CLTC: variants seen among roughly 807,000 people sequenced by gnomAD.
CLTC encodes the protein clathrin heavy chain.
A neutral mutation model predicts 195.8 loss-of-function variants in CLTC; 16 were observed. The ratio of observed to expected loss-of-function variants is 0.08; its 90% CI spans 0.06 to 0.12. The LOEUF (loss-of-function observed/expected upper bound fraction) is 0.12. Among genes scored for constraint, CLTC ranks in the 10% least tolerant of loss-of-function variants. CLTC has a pLI of 1.00. For synonymous variants in CLTC, 667 were observed against 689.4 expected, an observed-to-expected ratio of 0.97 and a Z score of 0.51; for missense variants, 796 against 2,027.0, an observed-to-expected ratio of 0.39 and a Z score of 11.66.
Position 59,681,929 on chromosome 17 carries a change from G to A in CLTC, c.3442+90G>A. The A allele has an allele frequency of 8.5e-7, 1 of 1,170,132 alleles. No individual in the cohort carries two copies. The highest frequency in any genetic ancestry group is 1.2e-6 in the Non-Finnish European group (1 of 834,406). 72.5% of individuals were successfully genotyped at this position (1,170,132 alleles called of 1,614,324 possible). ...GTCTATTCTGAATTTTAGAAGAGTT[G>A]GATACTGCATGGTTTCTTTTAGTGC... On this transcript the variant is annotated intron_variant, in intron 21 of 31. Transcript: ENST00000269122. The surrounding 1 kb of genome is among the most constrained non-coding windows in gnomAD (Gnocchi z 5.0).
chr17:59,644,495 T>A lies in CLTC; in HGVS notation c.250+12T>A, dbSNP rs1271100004. The A allele has an allele frequency of 6.2e-7, 1 of 1,603,160 alleles. No homozygotes were observed. Among genetic ancestry groups the A allele is most frequent in the African/African-American group, 1.3e-5 (1 of 74,654 alleles). On this transcript the variant is annotated intron_variant, in intron 2 of 31. Transcript: ENST00000269122. The stretch of plus-strand genomic sequence containing the variant: ...AATTGCACTGAAAGGTATAAAAGAA[T>A]GTGGGTTTTCCTTAAAACTCTTCCT...
Position 59,685,041 on chromosome 17 carries a change from CTTTT to C in CLTC, c.4435-7_4435-4del, listed in dbSNP as rs567422985. 6.2e-6 allele frequency: 7 copies of C among 1,123,474 alleles called. No homozygotes were observed. Among genetic ancestry groups the C allele is most frequent in the Non-Finnish European group, 8.5e-6 (7 of 820,020 alleles). 69.6% of individuals were successfully genotyped at this position (1,123,474 alleles called of 1,614,324 possible). A position where few individuals can be genotyped will look rare whatever the true frequency, so the allele number is the denominator to read the frequency against. ...AAATACTGATCTGGCATTTGGATGG[CTTTT>C]TTTTTTTAAGGCTCTGCGAACATCA... On this transcript the variant is annotated splice_polypyrimidine_tract_variant and intron_variant, in intron 28 of 31. Coordinates refer to ENST00000269122, the MANE Select transcript of CLTC (RefSeq NM_004859.4). The surrounding 1 kb of genome is among the most constrained non-coding windows in gnomAD (Gnocchi z 5.0).
At chr17:59,688,344 G>C (rs2033228509) in intron 30 of CLTC, among the ~76,000 whole-genome samples, 1 of 152,086 alleles carries the variant, frequency 6.6e-6, no homozygotes, top group Non-Finnish European at 1.5e-5. Flanking sequence ...TTCCTCTGCA[G>C]CACATTGCAG....
rs775310355 is a variant in CLTC at position 59,651,251 on chromosome 17, C to G, written c.730C>G (p.Pro244Ala). The change falls in exon 5 of 32, where the codon CCA becomes GCA. Residue 244 changes from proline (P) to alanine (A), a missense_variant. By Grantham distance (27) the Pro-to-Ala change is conservative (BLOSUM62 -1). Around this residue, in one of 9 missense-constraint regions of CLTC, gnomAD observed 293 missense variants for 795.6 expected, o/e 0.37. Transcript: ENST00000269122. ...ACCACCTACAGGGAACCAGCCCTTTCCAAAGAAGGCAGTGGATGTCTTCTT... is the reference window on the plus strand; with the variant it reads ...ACCACCTACAGGGAACCAGCCCTTTGCAAAGAAGGCAGTGGATGTCTTCTT... ...GTPPTGNQPF[P>A]KKAVDVFFPP... 2 of 1,614,022 alleles carry G rather than the reference C, an allele frequency of 1.2e-6. No individual in the cohort carries two copies. The highest frequency in any genetic ancestry group is 1.1e-5 in the South Asian group (1 of 91,062).
chr17:59,638,587 T>G (rs771607885), intron 1 of CLTC, among the ~76,000 whole-genome samples: 1 of 152,094 alleles, frequency 6.6e-6, no homozygotes, highest in Non-Finnish European at 1.5e-5. Flanking sequence ...TGGTCTCAGA[T>G]GAAATTGTTT....
chr17:59,690,698 A>T lies in CLTC; in HGVS notation c.4890A>T (p.Gln1630His). Reference sequence around the variant, plus strand: ...AAGAAGAACAAGCTACAGAGACACAACCCATTGTTTATGGTAATCTCTCTC... The same window carrying T: ...AAGAAGAACAAGCTACAGAGACACATCCCATTGTTTATGGTAATCTCTCTC... ...RKEEEQATET[Q>H]PIVYGQPQLM... The change falls in exon 31 of 32, where the codon CAA (glutamine) becomes CAT (histidine). Residue 1630 changes from glutamine (Q) to histidine (H), a missense_variant. By Grantham distance (24) the Gln-to-His change is conservative. Coordinates refer to ENST00000269122, the MANE Select transcript of CLTC (RefSeq NM_004859.4). 1 of 1,612,072 alleles carries T rather than the reference A, an allele frequency of 6.2e-7. No individual in the cohort carries two copies. The highest frequency in any genetic ancestry group is 1.1e-5 in the South Asian group (1 of 90,922).
At chr17:59,663,766 T>C (rs1393058181) in intron 8 of CLTC, 76 bp from the exon 9 acceptor site, 20 of 1,205,454 alleles carry the variant, frequency 1.7e-5, no homozygotes, top group Non-Finnish European at 2.1e-5. Flanking sequence ...TTATTACTTA[T>C]AGTGGACATA....
Position 59,683,361 on chromosome 17 carries a change from A to G in CLTC, c.4042-26A>G. ...AAGGCTGTTAGCTAGACTCATATCT[A>G]AAGCAATTAAGTCTTTCTTATGCAG... On this transcript the variant is annotated intron_variant, in intron 25 of 31. Coordinates refer to ENST00000269122, the MANE Select transcript of CLTC (RefSeq NM_004859.4). This position sits in a 1 kb window ranked among gnomAD's most constrained non-coding sequence, Gnocchi z 6.1. The G allele has an allele frequency of 6.2e-7, 1 of 1,605,534 alleles. No homozygotes were observed. The highest frequency in any genetic ancestry group is 1.1e-5 in the South Asian group (1 of 90,160).
intron 10 of CLTC, 78 bp downstream of exon 10, chr17:59,664,987 G>C: frequency 6.4e-7 from 1 of 1,559,412 alleles, no homozygotes; most frequent in Non-Finnish European, 8.7e-7. Flanking sequence ...TGACTTGGGA[G>C]TCCAAGGTGG....
chr17:59,675,232 C>T (rs1444898397), intron 16 of CLTC, among the ~76,000 whole-genome samples: 1 of 151,916 alleles, frequency 6.6e-6, no homozygotes, highest in African/African-American at 2.4e-5. Context: ...TTAAAAAAAA[C>T]AGTGTGGTGT....
Position 59,682,300 on chromosome 17 carries a change from C to G in CLTC, c.3472C>G (p.Gln1158Glu), listed in dbSNP as rs1465434758. 1 of 1,613,878 alleles carries G rather than the reference C, an allele frequency of 6.2e-7. No homozygotes were observed. Among genetic ancestry groups the G allele is most frequent in the Non-Finnish European group, 8.5e-7 (1 of 1,179,914 alleles). The change falls in exon 22 of 32, where the codon CAG becomes GAG. Residue 1158 changes from glutamine (Q) to glutamate (E), a missense_variant. Gln to Glu is a conservative substitution (Grantham distance 29, BLOSUM62 2). Coordinates refer to ENST00000269122, the MANE Select transcript of CLTC (RefSeq NM_004859.4). This position sits in a 1 kb window ranked among gnomAD's most constrained non-coding sequence, Gnocchi z 6.8. ...CTGGGAAGAACTGGTGAAGTACTTG[C>G]AGATGGCCCGTAAGAAGGCTCGAGA... ...GNWEELVKYLQMARKKARESY... is the reference protein window; with the variant it reads ...GNWEELVKYLEMARKKARESY...
In CLTC at chr17:59,681,246, C is replaced by A. The variant is rs1490739798; in HGVS notation, c.3066-49C>A. The A allele has an allele frequency of 6.5e-7, 1 of 1,546,636 alleles. No homozygotes were observed. The highest frequency in any genetic ancestry group is 1.2e-5 in the South Asian group (1 of 83,888). Reference sequence around the variant, plus strand: ...TAGTCACAGTGGTTATTTTTTATGTCGGATAAACTTAAAATATTGCATTTA... The same window carrying A: ...TAGTCACAGTGGTTATTTTTTATGTAGGATAAACTTAAAATATTGCATTTA... On this transcript the variant is annotated intron_variant, in intron 19 of 31. Transcript: ENST00000269122. This position sits in a 1 kb window ranked among gnomAD's most constrained non-coding sequence, Gnocchi z 5.0.
At chr17:59,693,639 TG>T (rs1008390765) in intron 31 of CLTC, 88 bp from the exon 32 acceptor site, 255 of 1,402,846 alleles carry the variant, frequency 1.8e-4, no homozygotes, top group Admixed American at 6.1e-4. Flanking sequence ...GTTGCTAGAG[TG>T]GAGGAGATTG....
At position 59,682,722 on chromosome 17, in the gene CLTC, G is replaced by C; in HGVS notation, c.3694G>C (p.Val1232Leu). The C allele has an allele frequency of 6.2e-7, 1 of 1,614,102 alleles. No individual in the cohort carries two copies. The highest frequency in any genetic ancestry group is 8.5e-7 in the Non-Finnish European group (1 of 1,180,006). ...TTTTGGACGTTTGGCATCTACCCTG[G>C]TTCACCTGGGTGAATATCAGGCAGC... ...SNFGRLASTL[V>L]HLGEYQAAVD... Residue 1232 changes from valine (V) to leucine (L), a missense_variant, in exon 23 of 32, where the codon GTT (valine) becomes CTT (leucine). Around this residue, in one of 9 missense-constraint regions of CLTC, gnomAD observed 102 missense variants for 317.6 expected, o/e 0.32. Transcript: ENST00000269122. The surrounding 1 kb of genome is among the most constrained non-coding windows in gnomAD (Gnocchi z 6.8).
intron 1 of CLTC, among the ~76,000 whole-genome samples, chr17:59,638,955 C>A (rs182348479): frequency 1.3e-5 from 2 of 152,328 alleles, no homozygotes; most frequent in East Asian, 3.9e-4. Context: ...ATTTTAAAAT[C>A]ATTTGTAACA....
rs1335601338 is a variant in CLTC at position 59,696,704 on chromosome 17, A to T, written c.*2852A>T. 4.8e-6 allele frequency: 1 copy of T among 208,146 alleles called. No individual in the cohort carries two copies. The highest frequency in any genetic ancestry group is 9.8e-6 in the Non-Finnish European group (1 of 102,244). The allele number at this position is 208,146 out of a possible 1,614,324, so 12.9% of individuals were successfully genotyped here. On this transcript the variant is annotated 3_prime_UTR_variant, in exon 32 of 32. Transcript: ENST00000269122. ...TTGTCAAAGTTAGTTCTAGGAAAAA[A>T]TACTAGCAGGGATGACAAACTACGT...
chr17:59,628,136 A>G (rs1037606601), intron 1 of CLTC, among the ~76,000 whole-genome samples: 2 of 152,202 alleles, frequency 1.3e-5, no homozygotes, highest in African/African-American at 4.8e-5. Flanking sequence ...CAAGTTCTGA[A>G]GTAAGACGGT....
intron 31 of CLTC, 155 bp downstream of exon 31, chr17:59,690,866 T>C (rs2033281180): frequency 6.0e-6 from 3 of 498,522 alleles, no homozygotes; most frequent in Non-Finnish European, 1.1e-5. Flanking sequence ...TGAGAAGTCA[T>C]AAAGCAGGTG....
rs775422563 is a variant in CLTC, at chr17:59,674,697, AC to A, written c.2419-3del. 3 of 1,606,496 alleles carry A rather than the reference AC, an allele frequency of 1.9e-6. No individual in the cohort carries two copies. The highest frequency in any genetic ancestry group is 2.5e-6 in the Non-Finnish European group (3 of 1,176,882). ...AACATTCTTCTACTTCTTTTTAACC[AC>A]AGGTGAATCCAAGTCGACTTCCTGT... On this transcript the variant is annotated splice_region_variant and splice_polypyrimidine_tract_variant and intron_variant, in intron 15 of 31. Coordinates refer to ENST00000269122, the MANE Select transcript of CLTC (RefSeq NM_004859.4).
Sources: allele counts gnomAD v4.1 joint callset (sites outside exome capture counted in the v4.1 genomes callset), GRCh38; gene constraint gnomAD v4.1.1; regional missense constraint gnomAD v4.1.1; non-coding constraint Gnocchi (gnomAD v3.1); transcripts MANE v1.5; gene names NCBI Gene and HGNC (gene_info 2026-07-23, HGNC 2026-07-21).